Variants in PHACTR1 observed in about 807,000 individuals in gnomAD.
PHACTR1 encodes the protein phosphatase and actin regulator 1, also known as RPEL repeat containing 1.
A neutral mutation model predicts 69.2 loss-of-function variants in PHACTR1; 16 were observed. The ratio of observed to expected loss-of-function variants is 0.23; its 90% confidence interval spans 0.16 to 0.35. The LOEUF (loss-of-function observed/expected upper bound fraction) is 0.35, where lower values mean the gene tolerates loss of function less well. Among genes scored for constraint, PHACTR1 ranks in the 10% least tolerant of loss-of-function variants. The pLI, the probability that PHACTR1 is intolerant of heterozygous loss-of-function variation, is 1.00. For synonymous variants in PHACTR1, 312 were observed against 284.5 expected, an observed-to-expected ratio of 1.10 and a Z score of -0.97; for missense variants, 510 against 734.7, an observed-to-expected ratio of 0.69 and a Z score of 3.54.
At chr6:13,147,616 C>G (rs1293137966) in intron 5 of PHACTR1, among the ~76,000 whole-genome samples, 3 of 152,200 alleles carry the variant, frequency 2.0e-5, no homozygotes, top group East Asian at 3.9e-4. Flanking sequence ...AAGAAATGAC[C>G]AGGAAAAGAC....
intron 4 of PHACTR1, among the ~76,000 whole-genome samples, chr6:12,907,136 C>T (rs1785823642): frequency 6.6e-6 from 1 of 152,198 alleles, no homozygotes; most frequent in Non-Finnish European, 1.5e-5. Flanking sequence ...AAAGTCCTTT[C>T]AGCTACTGAC....
intron 4 of PHACTR1, among the ~76,000 whole-genome samples, chr6:12,879,386 G>C (rs1782854163): frequency 6.6e-6 from 1 of 152,176 alleles, no homozygotes. Context: ...ACCCTAAGTA[G>C]GGAAGCCTTG....
intron 7 of PHACTR1, chr6:13,196,420 C>CTTTTTTTTTTGTTG (rs555707385): frequency 7.4e-6 from 1 of 135,816 alleles, no homozygotes; most frequent in Non-Finnish European, 1.5e-5. Flanking sequence ...GGTTTTCTTT[C>CTTTTTTTTTTGTTG]TTTTTTTTTT....
At chr6:12,989,881 GA>G (rs987141466) in intron 4 of PHACTR1, among the ~76,000 whole-genome samples, 1 of 152,156 alleles carries the variant, frequency 6.6e-6, no homozygotes, top group Non-Finnish European at 1.5e-5. Flanking sequence ...TAACTTATTG[GA>G]GAGTAGCTAG....
intron 4 of PHACTR1, among the ~76,000 whole-genome samples, chr6:12,856,723 G>T (rs906822051): frequency 2.0e-5 from 3 of 152,168 alleles, no homozygotes; most frequent in Admixed American, 6.5e-5. Flanking sequence ...TGCGTTCCCT[G>T]ATCGGCTGTT....
chr6:13,280,919 A>G (rs1004975556), intron 12 of PHACTR1: 26 of 1,279,540 alleles, frequency 2.0e-5, no homozygotes, highest in Non-Finnish European at 2.5e-5. Context: ...GGTCAGGGAC[A>G]TGAGCCCATG....
At chr6:13,241,809 A>G (rs1370036279) in intron 10 of PHACTR1, among the ~76,000 whole-genome samples, 1 of 151,842 alleles carries the variant, frequency 6.6e-6, no homozygotes, top group Non-Finnish European at 1.5e-5. Context: ...GGATCACTTG[A>G]TATCAGGAGT....
At chr6:12,921,542 AAAGGAGG>A (rs1357241262) in intron 4 of PHACTR1, among the ~76,000 whole-genome samples, 7 of 123,762 alleles carry the variant, frequency 5.7e-5, no homozygotes, top group East Asian at 5.5e-4. Context: ...GGGAGGAGGG[AAAGGAGG>A]AAGGAGGAAG....
intron 4 of PHACTR1, among the ~76,000 whole-genome samples, chr6:13,047,556 C>T (rs1216013669): frequency 1.3e-5 from 2 of 151,912 alleles, no homozygotes; most frequent in Admixed American, 6.6e-5. Context: ...GCAACATAAA[C>T]GTTCTGTTAT....
chr6:13,150,667 A>G (rs1824166067), intron 5 of PHACTR1, among the ~76,000 whole-genome samples: 1 of 151,796 alleles, frequency 6.6e-6, no homozygotes, highest in Non-Finnish European at 1.5e-5. Context: ...AACCTTATTT[A>G]TTTTCTCATT....
chr6:12,886,081 T>A (rs9349371), intron 4 of PHACTR1, among the ~76,000 whole-genome samples: 2 of 151,986 alleles, frequency 1.3e-5, no homozygotes, highest in Admixed American at 6.5e-5. Flanking sequence ...GGTGACAGGG[T>A]GAGACTCCAT....
At chr6:13,239,852 G>A (rs1055751883) in intron 10 of PHACTR1, among the ~76,000 whole-genome samples, 16 of 152,192 alleles carry the variant, frequency 1.1e-4, no homozygotes, top group South Asian at 2.1e-4. Flanking sequence ...AGGAGGCCCC[G>A]TCTGCAAGCC....
chr6:13,142,401 G>C (rs939891801), intron 5 of PHACTR1, among the ~76,000 whole-genome samples: 1 of 152,140 alleles, frequency 6.6e-6, no homozygotes, highest in Non-Finnish European at 1.5e-5. Context: ...ACCGCATCTG[G>C]CCGAGAATCC....
intron 8 of PHACTR1, among the ~76,000 whole-genome samples, chr6:13,223,304 CAGAT>C (rs1454468204): frequency 1.3e-5 from 2 of 152,106 alleles, no homozygotes; most frequent in Non-Finnish European, 2.9e-5. Context: ...TTTAAGGAAC[CAGAT>C]AGATAGTAAA....
At chr6:13,039,597 G>A (rs1183935169) in intron 4 of PHACTR1, among the ~76,000 whole-genome samples, 4 of 152,112 alleles carry the variant, frequency 2.6e-5, no homozygotes, top group African/African-American at 9.7e-5. Context: ...TTATTTGTGG[G>A]GATTGCAGCT....
intron 3 of PHACTR1, among the ~76,000 whole-genome samples, chr6:12,743,190 A>G (rs754716562): frequency 7.3e-5 from 1 of 13,772 alleles, no homozygotes; most frequent in African/African-American, 2.4e-4. Context: ...AAATTGCAGG[A>G]AAAAAAAAAA....
intron 5 of PHACTR1, among the ~76,000 whole-genome samples, chr6:13,096,823 G>C (rs1487223985): frequency 6.6e-6 from 1 of 152,186 alleles, no homozygotes. Context: ...GGAGAGATTG[G>C]ATCTATTCTA....
intron 5 of PHACTR1, among the ~76,000 whole-genome samples, chr6:13,089,711 G>A (rs565400301): frequency 3.3e-5 from 5 of 152,152 alleles, no homozygotes; most frequent in African/African-American, 7.2e-5. Flanking sequence ...TCTGGTTCGC[G>A]TCCTACTAGC....
Position 12,799,204 on chromosome 6 carries a change from A to G in PHACTR1, c.250+49414A>G, listed in dbSNP as rs866135602. 2.6e-5 allele frequency among the ~76,000 whole-genome samples: 4 copies of G among 152,304 alleles called. No homozygotes were observed. In the South Asian group the frequency reaches 8.3e-4, roughly 32 times the overall value. ...TCAAATCAGTTTTGCTCAAGTCATA[A>G]GATTCATAAAGGATCTTTACCCATC... On this transcript the variant is annotated intron_variant, in intron 4 of 14. Transcript: ENST00000332995.
Sources: allele counts gnomAD v4.1 joint callset (sites outside exome capture counted in the v4.1 genomes callset), GRCh38; gene constraint gnomAD v4.1.1; transcripts MANE v1.5; gene names NCBI Gene and HGNC (gene_info 2026-07-23, HGNC 2026-07-21).